Variants in ASIC2 observed in about 807,000 individuals in gnomAD.
The protein encoded by ASIC2 is acid-sensing ion channel 2.
In ASIC2, 25 loss-of-function variants were observed where a neutral mutation model predicts 57.3. That is an observed-to-expected ratio of 0.44 (90% confidence interval 0.32 to 0.61). The LOEUF (loss-of-function observed/expected upper bound fraction) is 0.61. ASIC2 is among the 20% of genes least tolerant of loss of function. The pLI is 0.06. For synonymous variants in ASIC2, 319 were observed against 307.5 expected (o/e 1.04, Z -0.39); for missense variants, 641 against 738.1 (o/e 0.87, Z 1.52).
intron 1 of ASIC2, among the ~76,000 whole-genome samples, chr17:33,159,673 G>A (rs1377105429): frequency 6.6e-6 from 1 of 152,190 alleles, no homozygotes; most frequent in Admixed American, 6.5e-5. Flanking sequence ...TTGGGTTAGA[G>A]TTTCCTCCTG....
chr17:34,023,845 A>G (rs1907275306), intron 1 of ASIC2, among the ~76,000 whole-genome samples: 1 of 152,234 alleles, frequency 6.6e-6, no homozygotes. Flanking sequence ...CAGACTCCAA[A>G]GACAAGTTCT....
chr17:33,865,660 A>C (rs936176415), intron 1 of ASIC2, among the ~76,000 whole-genome samples: 3 of 151,434 alleles, frequency 2.0e-5, no homozygotes, highest in Non-Finnish European at 4.4e-5. Flanking sequence ...ATGACACATT[A>C]GTGGGTGCAG....
intron 1 of ASIC2, among the ~76,000 whole-genome samples, chr17:33,554,279 C>G (rs1277319610): frequency 6.6e-6 from 1 of 151,902 alleles, no homozygotes; most frequent in African/African-American, 2.4e-5. Flanking sequence ...GAGTCTCTGT[C>G]CTGAGTGGGT....
chr17:33,135,631 G>C (rs549947937), intron 1 of ASIC2, among the ~76,000 whole-genome samples: 52 of 152,324 alleles, frequency 3.4e-4, no homozygotes, highest in African/African-American at 1.2e-3. Flanking sequence ...GGAGGAGACA[G>C]GCTCCGACAC....
intron 1 of ASIC2, among the ~76,000 whole-genome samples, chr17:33,235,518 G>A (rs115670520): frequency 9.7e-4 from 148 of 152,302 alleles, no homozygotes; most frequent in African/African-American, 3.4e-3. Context: ...TTAAACATAA[G>A]TGGTTATGGG....
In ASIC2 at chr17:34,084,538, T is replaced by A. The variant is rs550547504; in HGVS notation, c.555+71440A>T. ...TTGGTGGTGTGGGCTCTTTTTTGGT[T>A]CCATATGAACTTTAAAGTAGTTTTT... On this transcript the variant is annotated intron_variant, in intron 1 of 9. Transcript: ENST00000359872. 2.0e-5 allele frequency among the ~76,000 whole-genome samples: 3 copies of A among 152,340 alleles called. No homozygotes were observed. In the South Asian group the frequency reaches 6.2e-4, roughly 32 times the overall value.
At chr17:33,257,755 C>G (rs1909131796) in intron 1 of ASIC2, among the ~76,000 whole-genome samples, 1 of 152,204 alleles carries the variant, frequency 6.6e-6, no homozygotes, top group Non-Finnish European at 1.5e-5. Flanking sequence ...GGTACAACAG[C>G]AATGACAACC....
intron 6 of ASIC2, among the ~76,000 whole-genome samples, chr17:33,022,605 A>G (rs2091841184): frequency 6.6e-6 from 1 of 152,152 alleles, no homozygotes; most frequent in South Asian, 2.1e-4. Context: ...CCCTGTGCTG[A>G]TGGTCTCTGC....
chr17:33,872,969 A>T (rs1567741623), intron 1 of ASIC2, among the ~76,000 whole-genome samples: 1 of 152,200 alleles, frequency 6.6e-6, no homozygotes, highest in Non-Finnish European at 1.5e-5. Flanking sequence ...CTGAAGGCAG[A>T]AGCAGGAAAA....
intron 1 of ASIC2, among the ~76,000 whole-genome samples, chr17:33,490,333 G>A (rs191871039): frequency 2.2e-4 from 34 of 152,332 alleles, no homozygotes; most frequent in Admixed American, 1.6e-3. Flanking sequence ...ATGATACCCC[G>A]TTAGGTGGCC....
chr17:33,715,655 G>A (rs1909194445), intron 1 of ASIC2, among the ~76,000 whole-genome samples: 1 of 152,180 alleles, frequency 6.6e-6, no homozygotes, highest in South Asian at 2.1e-4. Flanking sequence ...TGGTTTACAT[G>A]AAGGCTGTCC....
At chr17:33,234,826 C>T (rs1487089784) in intron 1 of ASIC2, among the ~76,000 whole-genome samples, 1 of 152,220 alleles carries the variant, frequency 6.6e-6, no homozygotes, top group African/African-American at 2.4e-5. Context: ...CAAAATCTTC[C>T]ACCTCCCAAT....
intron 1 of ASIC2, among the ~76,000 whole-genome samples, chr17:33,532,277 T>C (rs946369193): frequency 5.9e-5 from 9 of 152,252 alleles, no homozygotes; most frequent in African/African-American, 2.2e-4. Context: ...TATCAGGCAC[T>C]GTGCCAGGCT....
chr17:34,097,630 T>C (rs988805981), intron 1 of ASIC2, among the ~76,000 whole-genome samples: 3 of 152,176 alleles, frequency 2.0e-5, no homozygotes, highest in Non-Finnish European at 4.4e-5. Context: ...ATTTTTAAAT[T>C]TGTACTTCTA....
Position 33,565,176 on chromosome 17 carries a change from C to T in ASIC2, c.556-453109G>A, listed in dbSNP as rs527356476. Among the ~76,000 whole-genome samples, 9 of 152,258 alleles carry T rather than the reference C, an allele frequency of 5.9e-5. No homozygotes were observed. The East Asian group carries it at 1.7e-3, about 29-fold the overall frequency. On this transcript the variant is annotated intron_variant, in intron 1 of 9. Transcript: ENST00000359872. ...TAGTCTGTGTCCCTGGCTTGCCCTT[C>T]CCTCCAACTCTGTCCTGCAGGATCT...
chr17:33,879,386 A>G (rs1390748449), intron 1 of ASIC2, among the ~76,000 whole-genome samples: 1 of 152,266 alleles, frequency 6.6e-6, no homozygotes, highest in Non-Finnish European at 1.5e-5. Context: ...AGACACACAT[A>G]GGCTCAAAAT....
At chr17:34,088,828 G>T (rs1175504523) in intron 1 of ASIC2, among the ~76,000 whole-genome samples, 4 of 152,224 alleles carry the variant, frequency 2.6e-5, no homozygotes, top group African/African-American at 9.6e-5. Context: ...GTGGGCGTAG[G>T]ACCCTCCGAG....
At chr17:33,840,901 G>A (rs79133278) in intron 1 of ASIC2, among the ~76,000 whole-genome samples, 11,121 of 151,860 alleles carry the variant, frequency 0.073, 523 homozygotes, top group Admixed American at 0.11. Context: ...CAAAATTGGA[G>A]CATCTTAGTC....
intron 1 of ASIC2, among the ~76,000 whole-genome samples, chr17:33,133,759 CT>C (rs1292044360): frequency 6.6e-6 from 1 of 152,154 alleles, no homozygotes; most frequent in African/African-American, 2.4e-5. Context: ...GTCCCTCCTC[CT>C]TCTACCCTGC....
Sources: allele counts gnomAD v4.1 joint callset (sites outside exome capture counted in the v4.1 genomes callset), GRCh38; gene constraint gnomAD v4.1.1; transcripts MANE v1.5; gene names NCBI Gene and HGNC (gene_info 2026-07-23, HGNC 2026-07-21).